EXOSC7: variants seen among roughly 807,000 people sequenced by gnomAD.
EXOSC7 encodes exosome complex component RRP42.
A neutral mutation model predicts 34.3 loss-of-function variants in EXOSC7; 25 were observed. The observed-to-expected ratio is 0.73, with a 90% CI of 0.53 to 1.02. EXOSC7 has a LOEUF of 1.02. Among genes scored for constraint, EXOSC7 ranks in the 50% least tolerant of loss-of-function variants. EXOSC7 has a pLI of 0.00. For missense variants in EXOSC7, 370 were observed against 368.5 expected, an observed-to-expected ratio of 1.00 and a Z score of -0.03; for synonymous variants, 130 against 143.0, an observed-to-expected ratio of 0.91 and a Z score of 0.65.
chr3:44,993,561 G>C (rs1205138086), intron 3 of EXOSC7, among the ~76,000 whole-genome samples: 1 of 152,028 alleles, frequency 6.6e-6, no homozygotes, highest in Non-Finnish European at 1.5e-5. Flanking sequence ...CAGGAGGGTA[G>C]AGGTGATGAG....
chr3:45,002,393 G>A (rs2125971058), intron 5 of EXOSC7, among the ~76,000 whole-genome samples: 1 of 152,072 alleles, frequency 6.6e-6, no homozygotes, highest in East Asian at 1.9e-4. Flanking sequence ...GTTTATTCTA[G>A]GATGTTCATC....
intron 4 of EXOSC7, among the ~76,000 whole-genome samples, chr3:45,000,206 T>C (rs1039693024): frequency 6.6e-6 from 1 of 152,242 alleles, no homozygotes; most frequent in African/African-American, 2.4e-5. Flanking sequence ...AACACACAGC[T>C]GACCTTTGGT....
At chr3:44,995,956 G>A (rs924485605) in intron 3 of EXOSC7, among the ~76,000 whole-genome samples, 8 of 152,266 alleles carry the variant, frequency 5.3e-5, no homozygotes, top group Admixed American at 3.9e-4. Context: ...CTCATCCCAG[G>A]TTTGAGGTCG....
At chr3:45,007,731 C>G (rs1014653418) in intron 7 of EXOSC7, among the ~76,000 whole-genome samples, 156 bp downstream of exon 7, 3 of 152,134 alleles carry the variant, frequency 2.0e-5, no homozygotes, top group African/African-American at 7.2e-5. Flanking sequence ...GGTCTGCTGA[C>G]CTAATCAAGG....
chr3:44,983,843 C>CT (rs1706337224), intron 1 of EXOSC7, among the ~76,000 whole-genome samples: 2 of 146,150 alleles, frequency 1.4e-5, no homozygotes, highest in Non-Finnish European at 3.0e-5. Context: ...TTTCCTAAGC[C>CT]TTTTATAAGG....
At chr3:45,011,478 G>A, downstream of EXOSC7, 1 of 628,514 alleles carries the variant, frequency 1.6e-6, no homozygotes, top group Non-Finnish European at 2.8e-6. Flanking sequence ...GGTCTGGTTT[G>A]GTATGTCTAG....
intron 3 of EXOSC7, 78 bp from the exon 4 acceptor site, chr3:44,997,009 A>G: frequency 1.4e-6 from 2 of 1,432,388 alleles, no homozygotes; most frequent in Admixed American, 3.6e-5. Flanking sequence ...TCTACAGGGA[A>G]ACTGGAATAA....
At chr3:45,011,545 T>C (rs1559754338), downstream of EXOSC7, 1 of 404,376 alleles carries the variant, frequency 2.5e-6, no homozygotes, top group Non-Finnish European at 4.4e-6. Context: ...CTGGCCCTTA[T>C]CTAGTGAGTG....
chr3:45,010,003 G>A (rs146808697), intron 7 of EXOSC7, among the ~76,000 whole-genome samples: 3 of 152,284 alleles, frequency 2.0e-5, no homozygotes, highest in East Asian at 1.9e-4. Context: ...AGACACACAA[G>A]TCATTACTCT....
chr3:45,011,626 G>A (rs1697290022), downstream of EXOSC7, among the ~76,000 whole-genome samples: 2 of 152,156 alleles, frequency 1.3e-5, no homozygotes, highest in African/African-American at 4.8e-5. Context: ...ACAGAAACTG[G>A]TTTACAGGAA....
At chr3:45,009,116 C>T (rs1438877255) in intron 7 of EXOSC7, among the ~76,000 whole-genome samples, 1 of 152,192 alleles carries the variant, frequency 6.6e-6, no homozygotes, top group African/African-American at 2.4e-5. Context: ...AGCCACTGTG[C>T]AATGTCAGCC....
Position 44,986,555 on chromosome 3 carries a change from G to A in EXOSC7, c.58-2585G>A, listed in dbSNP as rs969735563. Among the ~76,000 whole-genome samples, 6 of 152,224 alleles carry A rather than the reference G, an allele frequency of 3.9e-5. No individual in the cohort carries two copies. In the East Asian group the frequency reaches 5.8e-4, roughly 15 times the overall value. ...CAGAAAGGGGCTCCCGCAGTGCAGC[G>A]GCGGGCTGAAGGGCTCCTCAAGTGC... On this transcript the variant is annotated intron_variant, in intron 1 of 7. Coordinates refer to ENST00000265564, the MANE Select transcript of EXOSC7 (RefSeq NM_015004.4).
intron 1 of EXOSC7, among the ~76,000 whole-genome samples, chr3:44,978,609 G>GA (rs1706188141): frequency 6.6e-6 from 1 of 152,164 alleles, no homozygotes; most frequent in Admixed American, 6.5e-5. Flanking sequence ...GAGGTCAGAG[G>GA]AGGCTTCCCT....
intron 1 of EXOSC7, among the ~76,000 whole-genome samples, chr3:44,986,123 T>G (rs1481204230): frequency 6.6e-6 from 1 of 151,176 alleles, no homozygotes; most frequent in Non-Finnish European, 1.5e-5. Flanking sequence ...CCCGCATTCC[T>G]CAGCCCTTGG....
chr3:44,981,087 G>A (rs1706259287), intron 1 of EXOSC7, among the ~76,000 whole-genome samples: 1 of 152,180 alleles, frequency 6.6e-6, no homozygotes, highest in South Asian at 2.1e-4. Context: ...AGATTCTGAG[G>A]CTTTACCCCA....
chr3:45,010,794 A>G (rs1232356490), intron 7 of EXOSC7, among the ~76,000 whole-genome samples: 2 of 152,212 alleles, frequency 1.3e-5, no homozygotes, highest in Non-Finnish European at 1.5e-5. Flanking sequence ...GAAGCTGCTT[A>G]CTAAAATGTC....
At chr3:44,979,781 A>T (rs571658469) in intron 1 of EXOSC7, among the ~76,000 whole-genome samples, 5 of 152,296 alleles carry the variant, frequency 3.3e-5, no homozygotes, top group Non-Finnish European at 7.4e-5. Context: ...GAGGGAAAGG[A>T]TGGACAGAAT....
chr3:44,982,723 C>T (rs1706303814), intron 1 of EXOSC7, among the ~76,000 whole-genome samples: 1 of 152,216 alleles, frequency 6.6e-6, no homozygotes. Flanking sequence ...GGAGCCAGCC[C>T]TCAGGACTCT....
chr3:44,989,878 A>T (rs1706523978), intron 3 of EXOSC7, among the ~76,000 whole-genome samples: 1 of 152,108 alleles, frequency 6.6e-6, no homozygotes, highest in Non-Finnish European at 1.5e-5. Context: ...CTGTCCGATA[A>T]AGGAGGACAT....
Sources: allele counts gnomAD v4.1 joint callset (sites outside exome capture counted in the v4.1 genomes callset), GRCh38; gene constraint gnomAD v4.1.1; transcripts MANE v1.5; gene names NCBI Gene and HGNC (gene_info 2026-07-23, HGNC 2026-07-21).